UBLCP1: variants seen among roughly 807,000 people sequenced by gnomAD.
The protein encoded by UBLCP1 is ubiquitin like domain containing CTD phosphatase 1.
In UBLCP1, 28 loss-of-function variants were observed where a neutral mutation model predicts 42.4. The ratio of observed to expected loss-of-function variants is 0.66; its 90% CI spans 0.49 to 0.90. UBLCP1 has a LOEUF of 0.90. Ranked by LOEUF, UBLCP1 falls within the 40% of genes least tolerant of loss-of-function variation. The pLI is 0.00. For missense variants in UBLCP1, 279 were observed against 374.5 expected (o/e 0.75, Z 2.10); for synonymous variants, 122 against 120.8 (o/e 1.01, Z -0.07).
At chr5:159,277,952 A>C (rs1170681699) in intron 8 of UBLCP1, among the ~76,000 whole-genome samples, 1 of 152,232 alleles carries the variant, frequency 6.6e-6, no homozygotes, top group Non-Finnish European at 1.5e-5. Context: ...ATTTTTAAAA[A>C]ATTAAATAAT....
At chr5:159,278,439 A>G (rs1048063572) in intron 9 of UBLCP1, 85 bp downstream of exon 9, 10 of 922,376 alleles carry the variant, frequency 1.1e-5, no homozygotes, top group Admixed American at 9.2e-5. Flanking sequence ...TGAATTTCAT[A>G]TATTTTTGGA....
chr5:159,282,965 T>G (rs923607717), intron 9 of UBLCP1, among the ~76,000 whole-genome samples: 3 of 152,050 alleles, frequency 2.0e-5, no homozygotes, highest in Admixed American at 6.5e-5. Context: ...TGGATTCAAG[T>G]GCAATAAGAA....
intron 1 of UBLCP1, among the ~76,000 whole-genome samples, chr5:159,268,131 C>G (rs1753420493): frequency 1.3e-5 from 2 of 151,414 alleles, no homozygotes; most frequent in Non-Finnish European, 3.0e-5. Flanking sequence ...GGAAAACTTA[C>G]CAAATTACTT....
chr5:159,283,395 A>G, intron 10 of UBLCP1, 56 bp downstream of exon 10: 2 of 1,427,386 alleles, frequency 1.4e-6, no homozygotes, highest in Non-Finnish European at 1.9e-6. Flanking sequence ...AAAAATTATC[A>G]TTTTTCATCA....
chr5:159,265,503 G>C (rs569726546), intron 1 of UBLCP1, among the ~76,000 whole-genome samples: 69 of 152,250 alleles, frequency 4.5e-4, no homozygotes, highest in African/African-American at 1.6e-3. Flanking sequence ...CTGTACCCAT[G>C]GGTTTTGTAT....
At chr5:159,271,294 C>CT (rs1311724474) in intron 5 of UBLCP1, among the ~76,000 whole-genome samples, 1 of 151,726 alleles carries the variant, frequency 6.6e-6, no homozygotes, top group Non-Finnish European at 1.5e-5. Flanking sequence ...GACCTCATCT[C>CT]TAATAAAAAC....
At chr5:159,277,831 G>A (rs1753556780) in intron 8 of UBLCP1, among the ~76,000 whole-genome samples, 1 of 151,864 alleles carries the variant, frequency 6.6e-6, no homozygotes, top group South Asian at 2.1e-4. Context: ...TTTTGACTAG[G>A]GTGTTCTAGT....
chr5:159,268,843 C>T, intron 1 of UBLCP1, 27 bp from the exon 2 acceptor site: 2 of 1,511,190 alleles, frequency 1.3e-6, no homozygotes, highest in Non-Finnish European at 1.8e-6. Context: ...TCTATTTTAA[C>T]TTGTTCATTT....
Position 159,285,209 on chromosome 5 carries a change from C to T in UBLCP1, c.*278C>T. The T allele has an allele frequency of 5.2e-6, 1 of 192,734 alleles. No homozygotes were observed. The highest frequency in any genetic ancestry group is 8.1e-5 in the South Asian group (1 of 12,390). 11.9% of individuals were successfully genotyped at this position (192,734 alleles called of 1,614,324 possible). A position where few individuals can be genotyped will look rare whatever the true frequency, so the allele number is the denominator to read the frequency against. ...CCCACCCTCCCACCACACACACACACACACACACACACACACACACACACA... is the reference window on the plus strand; with the variant it reads ...CCCACCCTCCCACCACACACACACATACACACACACACACACACACACACA... On this transcript the variant is annotated 3_prime_UTR_variant, in exon 11 of 11. Coordinates refer to ENST00000296786, the MANE Select transcript of UBLCP1 (RefSeq NM_145049.5).
rs764035901 is a variant in UBLCP1, at chr5:159,272,045, T to G, written c.471T>G (p.Thr157=). The G allele has an allele frequency of 1.7e-5, 28 of 1,613,260 alleles. No individual in the cohort carries two copies. The South Asian group carries it at 3.1e-4, about 18-fold the overall frequency. Residue 157 remains threonine (T), a synonymous_variant, in exon 6 of 11, where the codon ACT becomes ACG. Transcript: ENST00000296786. ...TLFDHRSCAE[T]GVELMRPYLH... ...TAGACCACAGGTCTTGTGCAGAGAC[T>G]GGGGTAGAATTAATGCGGCCATATC...
intron 1 of UBLCP1, among the ~76,000 whole-genome samples, chr5:159,265,079 G>A (rs968676676): frequency 6.6e-6 from 1 of 152,116 alleles, no homozygotes; most frequent in Admixed American, 6.5e-5. Context: ...CCTAAATTAA[G>A]ACACTTGCTT....
At chr5:159,266,891 G>A (rs1288737286) in intron 1 of UBLCP1, among the ~76,000 whole-genome samples, 2 of 152,200 alleles carry the variant, frequency 1.3e-5, no homozygotes, top group African/African-American at 4.8e-5. Context: ...GGGAACCTGT[G>A]CCTAGATTTC....
chr5:159,273,640 A>G (rs554848312), intron 6 of UBLCP1, among the ~76,000 whole-genome samples: 65 of 152,324 alleles, frequency 4.3e-4, no homozygotes, highest in African/African-American at 1.1e-3. Flanking sequence ...TGATAATTAC[A>G]GATACAAAGT....
chr5:159,278,865 C>T (rs1753571745), intron 9 of UBLCP1, among the ~76,000 whole-genome samples: 1 of 152,148 alleles, frequency 6.6e-6, no homozygotes, highest in Admixed American at 6.5e-5. Flanking sequence ...AGCCACTGCG[C>T]CCGGCCCAAG....
At chr5:159,266,694 G>A (rs1373887705) in intron 1 of UBLCP1, among the ~76,000 whole-genome samples, 2 of 152,160 alleles carry the variant, frequency 1.3e-5, no homozygotes, top group Non-Finnish European at 2.9e-5. Flanking sequence ...TCGTGGGCCC[G>A]GCCCAGGGTC....
chr5:159,276,622 C>T (rs189469841), intron 8 of UBLCP1, among the ~76,000 whole-genome samples: 4 of 152,248 alleles, frequency 2.6e-5, no homozygotes, highest in African/African-American at 9.6e-5. Flanking sequence ...ATTACTGCTA[C>T]CCATATAAGG....
chr5:159,276,502 CTT>C (rs1198423324), intron 8 of UBLCP1, among the ~76,000 whole-genome samples: 1 of 152,116 alleles, frequency 6.6e-6, no homozygotes, highest in East Asian at 1.9e-4. Flanking sequence ...TTTACAAAAT[CTT>C]AACATTAAAA....
Position 159,270,386 on chromosome 5 carries a change from CAAT to C in UBLCP1, c.274_276del (p.Asn92del), listed in dbSNP as rs755317473. ...AAGATGTCTTAGGTCCACCCCCTGA[CAAT>C]GATGATGTTGTTAATGACTTTGATA... On this transcript the variant is annotated inframe_deletion, in exon 4 of 11. Transcript: ENST00000296786. 15 of 1,613,302 alleles carry C rather than the reference CAAT, an allele frequency of 9.3e-6. No homozygotes were observed. Among genetic ancestry groups the C allele is most frequent in the South Asian group, 2.2e-5 (2 of 91,040 alleles).
chr5:159,277,940 G>T (rs1753557846), intron 8 of UBLCP1, among the ~76,000 whole-genome samples: 1 of 151,770 alleles, frequency 6.6e-6, no homozygotes, highest in South Asian at 2.1e-4. Flanking sequence ...CAATTACTTT[G>T]GATTTTTAAA....
Sources: allele counts gnomAD v4.1 joint callset (sites outside exome capture counted in the v4.1 genomes callset), GRCh38; gene constraint gnomAD v4.1.1; transcripts MANE v1.5; gene names NCBI Gene and HGNC (gene_info 2026-07-23, HGNC 2026-07-21).